The following PRKCA variants were observed in gnomAD, a reference collection of about 807,000 sequenced individuals.
PRKCA encodes the protein protein kinase C alpha type.
A neutral mutation model predicts 87.0 loss-of-function variants in PRKCA; 27 were observed. The ratio of observed to expected loss-of-function variants is 0.31; its 90% CI spans 0.23 to 0.43. The LOEUF is 0.43. Ranked by LOEUF, PRKCA falls within the 20% of genes least tolerant of loss-of-function variation. PRKCA has a pLI of 1.00. For missense variants in PRKCA, 518 were observed against 852.3 expected, an observed-to-expected ratio of 0.61 and a Z score of 4.88; for synonymous variants, 329 against 311.1, an observed-to-expected ratio of 1.06 and a Z score of -0.61.
chr17:66,548,671 C>G (rs79465653), intron 3 of PRKCA, among the ~76,000 whole-genome samples: 2,135 of 152,250 alleles, frequency 0.014, 51 homozygotes, highest in African/African-American at 0.048. Context: ...CCTGGACTAT[C>G]TGCATGGGCC....
At chr17:66,642,884 A>C (rs1237054540) in intron 4 of PRKCA, among the ~76,000 whole-genome samples, 1 of 152,128 alleles carries the variant, frequency 6.6e-6, no homozygotes, top group Non-Finnish European at 1.5e-5. Flanking sequence ...CTCTACTAAA[A>C]ATGCAAAATT....
chr17:66,348,088 C>T (rs1373056215), intron 2 of PRKCA, among the ~76,000 whole-genome samples: 2 of 151,562 alleles, frequency 1.3e-5, no homozygotes, highest in Admixed American at 6.6e-5. Context: ...ATTACAGGCA[C>T]ACGCCACCAC....
intron 3 of PRKCA, among the ~76,000 whole-genome samples, chr17:66,514,372 G>C (rs1157681895): frequency 6.6e-6 from 1 of 152,116 alleles, no homozygotes; most frequent in Admixed American, 6.5e-5. Context: ...CCACCCATCT[G>C]AGAACTCTCC....
chr17:66,789,039 C>T (rs1298440951), intron 16 of PRKCA, 60 bp downstream of exon 16: 1 of 1,597,092 alleles, frequency 6.3e-7, no homozygotes, highest in Non-Finnish European at 8.5e-7. Context: ...TGGGAGTATC[C>T]CACTCACCTC....
chr17:66,435,890 C>T (rs1913364821), intron 2 of PRKCA, among the ~76,000 whole-genome samples: 1 of 152,034 alleles, frequency 6.6e-6, no homozygotes, highest in Non-Finnish European at 1.5e-5. Flanking sequence ...TTGACATGAC[C>T]ATCGTGAAGG....
intron 13 of PRKCA, among the ~76,000 whole-genome samples, chr17:66,768,823 G>A (rs1483787821): frequency 3.3e-5 from 5 of 152,178 alleles, no homozygotes; most frequent in Admixed American, 1.3e-4. Context: ...ATGAGATTTG[G>A]GTGGGGACAC....
chr17:66,348,291 G>A (rs902706269), intron 2 of PRKCA, among the ~76,000 whole-genome samples: 8 of 151,960 alleles, frequency 5.3e-5, no homozygotes, highest in African/African-American at 1.9e-4. Context: ...AAATGAAACT[G>A]GCATAAAAGA....
In PRKCA at chr17:66,613,779, CTTT is replaced by C. The variant is rs57610655; in HGVS notation, c.289-27552_289-27550del. 1.3e-4 allele frequency among the ~76,000 whole-genome samples: 9 copies of C among 69,416 alleles called. No homozygotes were observed. In the East Asian group the frequency reaches 2.8e-3, roughly 22 times the overall value. 45.5% of individuals were successfully genotyped at this position (69,416 alleles called of 152,430 possible). On this transcript the variant is annotated intron_variant, in intron 3 of 16. Transcript: ENST00000413366. ...CACCTTAATCCAGTATGACTTCATC[CTTT>C]TTTTTTTTTTTTTTTTTTTTTTTGA...
intron 3 of PRKCA, among the ~76,000 whole-genome samples, chr17:66,517,210 G>T (rs1275734944): frequency 6.6e-6 from 1 of 152,138 alleles, no homozygotes; most frequent in Non-Finnish European, 1.5e-5. Context: ...CTTGAACCTG[G>T]GAGGTAGAGG....
chr17:66,513,771 G>A (rs1198277502), intron 3 of PRKCA, among the ~76,000 whole-genome samples: 1 of 152,182 alleles, frequency 6.6e-6, no homozygotes, highest in Non-Finnish European at 1.5e-5. Flanking sequence ...CTTATATGAT[G>A]CTAGGTGCAA....
At chr17:66,497,619 C>G (rs775287729) in intron 3 of PRKCA, among the ~76,000 whole-genome samples, 3 of 152,104 alleles carry the variant, frequency 2.0e-5, no homozygotes, top group East Asian at 3.9e-4. Flanking sequence ...AAAAAATTGT[C>G]AGGCAGGCTT....
chr17:66,399,100 C>CTTTTCTT (rs1555598364), intron 2 of PRKCA, among the ~76,000 whole-genome samples: 2,417 of 117,180 alleles, frequency 0.021, 102 homozygotes, highest in African/African-American at 0.071. Flanking sequence ...CTTTTCTTTT[C>CTTTTCTT]TTTTTTTTTT....
intron 3 of PRKCA, among the ~76,000 whole-genome samples, chr17:66,621,908 A>G (rs1358987589): frequency 2.0e-5 from 3 of 152,222 alleles, no homozygotes; most frequent in African/African-American, 7.2e-5. Context: ...AGGGTCTTTA[A>G]AAATAAGTTG....
At chr17:66,579,346 G>A (rs1969345448) in intron 3 of PRKCA, among the ~76,000 whole-genome samples, 1 of 152,192 alleles carries the variant, frequency 6.6e-6, no homozygotes, top group African/African-American at 2.4e-5. Flanking sequence ...TGGAGAAAGA[G>A]CCTGAAGAAA....
At chr17:66,427,837 T>C (rs1912894783) in intron 2 of PRKCA, among the ~76,000 whole-genome samples, 1 of 152,190 alleles carries the variant, frequency 6.6e-6, no homozygotes, top group African/African-American at 2.4e-5. Flanking sequence ...AAAGAAATGT[T>C]TCAGATATTT....
At chr17:66,654,515 G>A (rs892409654) in intron 5 of PRKCA, among the ~76,000 whole-genome samples, 1 of 152,158 alleles carries the variant, frequency 6.6e-6, no homozygotes, top group Non-Finnish European at 1.5e-5. Flanking sequence ...TAGCACACAC[G>A]CATGCCCTTC....
chr17:66,392,441 G>C (rs1910421190), intron 2 of PRKCA, among the ~76,000 whole-genome samples: 1 of 152,102 alleles, frequency 6.6e-6, no homozygotes, highest in Non-Finnish European at 1.5e-5. Flanking sequence ...CTTTCAAAAA[G>C]CTTACTATCT....
At chr17:66,658,838 T>C (rs573209051) in intron 5 of PRKCA, among the ~76,000 whole-genome samples, 1 of 152,156 alleles carries the variant, frequency 6.6e-6, no homozygotes. Flanking sequence ...ATAACCACAG[T>C]GGGACTCCAG....
chr17:66,502,707 T>C (rs947607080), intron 3 of PRKCA, among the ~76,000 whole-genome samples: 5 of 152,080 alleles, frequency 3.3e-5, no homozygotes, highest in African/African-American at 1.2e-4. Flanking sequence ...CAGGTTGGAG[T>C]GCAGTGGTGC....
Sources: allele counts gnomAD v4.1 joint callset (sites outside exome capture counted in the v4.1 genomes callset), GRCh38; gene constraint gnomAD v4.1.1; transcripts MANE v1.5; gene names NCBI Gene and HGNC (gene_info 2026-07-23, HGNC 2026-07-21).